Variants in ERCC8 observed in about 807,000 individuals in gnomAD.
ERCC8 encodes DNA excision repair protein ERCC-8.
A neutral mutation model predicts 54.9 loss-of-function variants in ERCC8; 52 were observed. That is an observed-to-expected ratio of 0.95 (90% CI 0.76 to 1.19). ERCC8 has a LOEUF of 1.19. Ranked by LOEUF, ERCC8 falls within the 50% of genes most tolerant of loss-of-function variation. The pLI, the probability that ERCC8 is intolerant of heterozygous loss-of-function variation, is 0.00. For synonymous variants in ERCC8, 146 were observed against 157.2 expected, an observed-to-expected ratio of 0.93 and a Z score of 0.53; for missense variants, 514 against 466.1, an observed-to-expected ratio of 1.10 and a Z score of -0.95.
chr5:60,879,876 ATATTGT>A (rs1470133941), intron 11 of ERCC8, among the ~76,000 whole-genome samples: 1 of 152,118 alleles, frequency 6.6e-6, no homozygotes, highest in African/African-American at 2.4e-5. Flanking sequence ...TTTAAGGTTA[ATATTGT>A]TATGTGTGAA....
intron 3 of ERCC8, chr5:60,918,626 C>G: frequency 2.0e-6 from 1 of 499,752 alleles, no homozygotes; most frequent in Non-Finnish European, 3.7e-6. Flanking sequence ...GTGAAAGATT[C>G]TCTGTTTTTG....
intron 9 of ERCC8, among the ~76,000 whole-genome samples, chr5:60,895,156 C>T (rs980696773): frequency 7.1e-5 from 9 of 126,246 alleles, no homozygotes; most frequent in South Asian, 2.6e-4. Context: ...GGCAACAAAG[C>T]GAGACTCTAC....
rs146756346 is a variant in ERCC8, at chr5:60,880,674, A to G, written c.1123-5991T>C. 5.7e-3 allele frequency among the ~76,000 whole-genome samples: 863 copies of G among 152,256 alleles called. 10 individuals are homozygous for G. The highest frequency in any genetic ancestry group is 0.02 in the African/African-American group (834 of 41,552). On this transcript the variant is annotated intron_variant, in intron 11 of 11. Coordinates refer to ENST00000676185, the MANE Select transcript of ERCC8 (RefSeq NM_000082.4). ...GATCAAATCAGCTACTGAGGCTTGAACATTCATCACGTAGTTCTCGTGCCA... is the reference window on the plus strand; with the variant it reads ...GATCAAATCAGCTACTGAGGCTTGAGCATTCATCACGTAGTTCTCGTGCCA...
In ERCC8 at chr5:60,871,227, G is replaced by C. The variant is rs1333362763; in HGVS notation, c.*3388C>G. On this transcript the variant is annotated 3_prime_UTR_variant, in exon 12 of 12. Transcript: ENST00000676185. ...CTAATAAACATGTAGCCTTGAACAG[G>C]GGACCAGCTGAAAACAACTGGGGGA... Among the ~76,000 whole-genome samples, 1 of 152,172 alleles carries C rather than the reference G, an allele frequency of 6.6e-6. No homozygotes were observed.
At chr5:60,881,693 G>C (rs1438540044) in intron 11 of ERCC8, among the ~76,000 whole-genome samples, 1 of 152,160 alleles carries the variant, frequency 6.6e-6, no homozygotes, top group Non-Finnish European at 1.5e-5. Context: ...TGTGCTGTTT[G>C]CTAAGACCAT....
intron 4 of ERCC8, among the ~76,000 whole-genome samples, chr5:60,911,864 C>G (rs1467572026): frequency 2.6e-5 from 4 of 152,084 alleles, no homozygotes; most frequent in African/African-American, 9.7e-5. Context: ...TTCCCCATTT[C>G]TTGTTTTTGT....
chr5:60,942,298 A>G (rs1750282776), intron 1 of ERCC8, among the ~76,000 whole-genome samples: 1 of 152,160 alleles, frequency 6.6e-6, no homozygotes, highest in South Asian at 2.1e-4. Flanking sequence ...CTCCACTGTT[A>G]TGCATTAACT....
rs112997008 is a variant in ERCC8 at position 60,878,738 on chromosome 5, G to A, written c.1123-4055C>T. Among the ~76,000 whole-genome samples, 396 of 151,756 alleles carry A rather than the reference G, an allele frequency of 2.6e-3. 9 individuals are homozygous for A. The highest frequency in any genetic ancestry group is 9.1e-3 in the African/African-American group (375 of 41,370). ...ATATCCCCTTTATCATTTTTTTTGC[G>A]TCTATTTGATTCTGCTCTCTTTTCT... On this transcript the variant is annotated intron_variant, in intron 11 of 11. Transcript: ENST00000676185.
chr5:60,910,968 G>T (rs1749240099), intron 4 of ERCC8, among the ~76,000 whole-genome samples: 1 of 151,948 alleles, frequency 6.6e-6, no homozygotes, highest in Admixed American at 6.6e-5. Flanking sequence ...AAATAAAATG[G>T]TTGCTTTAGT....
intron 10 of ERCC8, among the ~76,000 whole-genome samples, chr5:60,889,001 A>T (rs978697717): frequency 1.3e-5 from 2 of 152,192 alleles, no homozygotes; most frequent in African/African-American, 2.4e-5. Context: ...ACAGTTCTTC[A>T]GTCTCTTTGG....
intron 1 of ERCC8, among the ~76,000 whole-genome samples, chr5:60,940,852 C>G (rs1051546887): frequency 6.6e-6 from 1 of 152,140 alleles, no homozygotes; most frequent in Admixed American, 6.5e-5. Context: ...AAACAAGACC[C>G]AGAGTATTCA....
At chr5:60,898,906 CAT>C (rs1257092523) in intron 8 of ERCC8, among the ~76,000 whole-genome samples, 3 of 150,798 alleles carry the variant, frequency 2.0e-5, no homozygotes, top group African/African-American at 7.3e-5. Flanking sequence ...AATTTAAAAA[CAT>C]ATAAAACATG....
chr5:60,889,702 C>G (rs1271789481), intron 10 of ERCC8, among the ~76,000 whole-genome samples: 1 of 152,200 alleles, frequency 6.6e-6, no homozygotes, highest in African/African-American at 2.4e-5. Flanking sequence ...GAAATTTCGG[C>G]TGTGTCTCTA....
At chr5:60,933,732 C>T (rs1309397986) in intron 1 of ERCC8, among the ~76,000 whole-genome samples, 1 of 152,096 alleles carries the variant, frequency 6.6e-6, no homozygotes, top group Non-Finnish European at 1.5e-5. Context: ...CCACTTCCAC[C>T]CTTTCCCCCG....
At chr5:60,886,658 C>T (rs560813545) in intron 11 of ERCC8, among the ~76,000 whole-genome samples, 49 of 150,160 alleles carry the variant, frequency 3.3e-4, no homozygotes, top group South Asian at 6.3e-4. Context: ...GCCAAGATCA[C>T]GCCACTGCAC....
intron 5 of ERCC8, among the ~76,000 whole-genome samples, 166 bp downstream of exon 5, chr5:60,904,621 AGTGTG>A (rs1561504052): frequency 1.6e-5 from 1 of 63,846 alleles, no homozygotes; most frequent in Admixed American, 1.8e-4. Context: ...GAATATATAT[AGTGTG>A]TGTGTGTGTA....
chr5:60,928,716 T>C (rs896165486), intron 2 of ERCC8, 148 bp downstream of exon 2: 13 of 574,156 alleles, frequency 2.3e-5, no homozygotes, highest in Non-Finnish European at 3.1e-5. Flanking sequence ...TTGTATTTAC[T>C]TGAAATTAAT....
chr5:60,918,914 C>T (rs935542329), intron 3 of ERCC8, among the ~76,000 whole-genome samples: 2 of 151,996 alleles, frequency 1.3e-5, no homozygotes, highest in Non-Finnish European at 2.9e-5. Context: ...ACCCACCATC[C>T]ATAAAAACAT....
chr5:60,913,017 G>C (rs1234733463), intron 4 of ERCC8, among the ~76,000 whole-genome samples: 1 of 152,008 alleles, frequency 6.6e-6, no homozygotes, highest in Admixed American at 6.6e-5. Context: ...AGGATTTTCG[G>C]ATCGATGTTC....
Sources: allele counts gnomAD v4.1 joint callset (sites outside exome capture counted in the v4.1 genomes callset), GRCh38; gene constraint gnomAD v4.1.1; transcripts MANE v1.5; gene names NCBI Gene and HGNC (gene_info 2026-07-23, HGNC 2026-07-21).